The following C5 variants were observed in gnomAD, a reference collection of about 807,000 sequenced individuals.
C5 encodes complement C5, also known as C3 and PZP-like alpha-2-macroglobulin domain-containing protein 4.
Under a neutral mutation model 218.8 loss-of-function variants are expected in C5, and 140 were observed. That is an observed-to-expected ratio of 0.64 (90% CI 0.56 to 0.74). The LOEUF (loss-of-function observed/expected upper bound fraction) is 0.74, where lower values mean the gene tolerates loss of function less well. C5 is among the 30% of genes least tolerant of loss of function. C5 has a pLI of 0.00. For synonymous variants in C5, 614 were observed against 682.3 expected (o/e 0.90, Z 1.56); for missense variants, 1,700 against 1,969.6 (o/e 0.86, Z 2.59).
At chr9:121,050,708 A>G (rs956974710), upstream of C5, among the ~76,000 whole-genome samples, 2 of 152,168 alleles carry the variant, frequency 1.3e-5, no homozygotes, top group South Asian at 2.1e-4. Context: ...AGGGCTCACA[A>G]GATGATCTTT....
At chr9:120,981,989 C>A (rs761959611) in intron 26 of C5, 50 bp from the exon 27 acceptor site, 7 of 1,193,902 alleles carry the variant, frequency 5.9e-6, no homozygotes, top group East Asian at 2.4e-5. Flanking sequence ...GTCTTTAAGG[C>A]GAAATGACCT....
the C5 span, among the ~76,000 whole-genome samples, chr9:121,071,005 T>C: frequency 4.4e-4 from 67 of 152,272 alleles, no homozygotes; most frequent in East Asian, 0.013. Flanking sequence ...AGTTACTACA[T>C]GTCATTTAAA....
the C5 span, among the ~76,000 whole-genome samples, chr9:121,064,312 G>C: frequency 6.6e-6 from 1 of 152,062 alleles, no homozygotes; most frequent in African/African-American, 2.4e-5. Context: ...CAGGGTCGTT[G>C]TAAGTTTTAA....
At chr9:121,028,589 C>G (rs554031203) in intron 7 of C5, among the ~76,000 whole-genome samples, 36 of 152,056 alleles carry the variant, frequency 2.4e-4, no homozygotes, top group Non-Finnish European at 2.9e-4. Context: ...TGAACTACCA[C>G]AAGGACAGAA....
At chr9:121,045,208 T>C (rs1411375574) in intron 2 of C5, among the ~76,000 whole-genome samples, 1 of 152,152 alleles carries the variant, frequency 6.6e-6, no homozygotes, top group East Asian at 1.9e-4. Context: ...ATTAAAGAAT[T>C]CCTATGTTTG....
chr9:120,956,928 T>C, intron 39 of C5: 1 of 330,422 alleles, frequency 3.0e-6, no homozygotes, highest in Non-Finnish European at 5.9e-6. Context: ...ACTATGCTTA[T>C]TACCTGGGTG....
In C5 at chr9:121,027,084, T is replaced by C. The variant is rs1433391920; in HGVS notation, c.873+76A>G. On this transcript the variant is annotated intron_variant, in intron 8 of 40. Coordinates refer to ENST00000223642, the MANE Select transcript of C5 (RefSeq NM_001735.3). The stretch of plus-strand genomic sequence containing the variant: ...ATCTAAAATGGGGGATTGGACTAGA[T>C]GGTTTTTAAGTAACTTCTCATCTCT... 5.0e-6 allele frequency: 4 copies of C among 803,278 alleles called. No individual in the cohort carries two copies. The African/African-American group carries it at 5.1e-5, about 10-fold the overall frequency. The allele number at this position is 803,278 out of a possible 1,614,324, so 49.8% of individuals were successfully genotyped here. A position where few individuals can be genotyped will look rare whatever the true frequency, so the allele number is the denominator to read the frequency against.
intron 20 of C5, among the ~76,000 whole-genome samples, chr9:120,998,668 T>C (rs929187836): frequency 9.9e-5 from 15 of 152,204 alleles, no homozygotes; most frequent in African/African-American, 3.6e-4. Context: ...ATTCCTCTTA[T>C]TAACTGGTGA....
intron 20 of C5, among the ~76,000 whole-genome samples, chr9:121,002,124 G>A (rs12003720): frequency 6.9e-6 from 1 of 144,692 alleles, no homozygotes. Context: ...GGCAGTGTGT[G>A]TATATATATA....
chr9:120,974,653 A>C lies in C5; in HGVS notation c.4017+126T>G. 5.5e-6 allele frequency: 5 copies of C among 915,062 alleles called. No individual in the cohort carries two copies. In the East Asian group the frequency reaches 1.2e-4, roughly 23 times the overall value. 56.7% of individuals were successfully genotyped at this position (915,062 alleles called of 1,614,324 possible). ...CAGGATATAGCAGGCATCCCTGTTT[A>C]GGACATAGCTGACACTCAATATATG... On this transcript the variant is annotated intron_variant, in intron 30 of 40. Transcript: ENST00000223642.
chr9:120,953,146 G>C (rs1010688025), intron 40 of C5, among the ~76,000 whole-genome samples: 1 of 152,082 alleles, frequency 6.6e-6, no homozygotes, highest in Non-Finnish European at 1.5e-5. Context: ...CGATGGTCTC[G>C]ATCTCCTGAC....
intron 20 of C5, 68 bp from the exon 21 acceptor site, chr9:120,997,842 G>T: frequency 4.4e-6 from 6 of 1,360,890 alleles, no homozygotes; most frequent in Non-Finnish European, 6.2e-6. Flanking sequence ...TTGCTATGTC[G>T]CCCAGGCTGG....
At chr9:120,999,022 A>G (rs549190177) in intron 20 of C5, among the ~76,000 whole-genome samples, 14 of 152,316 alleles carry the variant, frequency 9.2e-5, no homozygotes, top group Middle Eastern at 3.4e-3. Context: ...CCTGCGGCCA[A>G]TGATTTCCTT....
At chr9:121,035,241 T>C (rs756341449) in intron 4 of C5, among the ~76,000 whole-genome samples, 22 of 152,180 alleles carry the variant, frequency 1.4e-4, no homozygotes, top group Admixed American at 1.1e-3. Context: ...ATAAACTAAA[T>C]GTGAATTTTG....
Position 121,017,427 on chromosome 9 carries a change from C to T in C5, c.1801G>A (p.Ala601Thr), listed in dbSNP as rs747025820. 35 of 1,613,840 alleles carry T rather than the reference C, an allele frequency of 2.2e-5. No individual in the cohort carries two copies. In the Middle Eastern group the frequency reaches 6.6e-4, roughly 30 times the overall value. Residue 601 changes from alanine (A) to threonine (T), a missense_variant, in exon 14 of 41, where the codon GCA becomes ACA. By Grantham distance (58) the Ala-to-Thr change is moderately conservative (BLOSUM62 0). Transcript: ENST00000223642. ...ACAGCACTGTCCACTGCTGCTAATG[C>T]CACCCAGGAATCCATTCCAGTTGCC... ...NMATGMDSWV[A>T]LAAVDSAVYG...
upstream of C5, chr9:121,050,283 T>C (rs1353616683): frequency 6.8e-6 from 10 of 1,475,972 alleles, no homozygotes; most frequent in Non-Finnish European, 9.5e-6. Context: ...TATAACACTT[T>C]TGAGGATAGT....
intron 4 of C5, among the ~76,000 whole-genome samples, chr9:121,035,432 C>T (rs955147938): frequency 6.6e-6 from 1 of 152,138 alleles, no homozygotes; most frequent in Non-Finnish European, 1.5e-5. Context: ...TAAAGCTTCC[C>T]CATAAACTTA....
rs189699108 is a variant in C5, at chr9:120,954,608, A to G, written c.4763-740T>C. On this transcript the variant is annotated intron_variant, in intron 39 of 40. Transcript: ENST00000223642. ...TTTCTGTCACAATTTTTTGTCCCAC[A>G]TCTGTCCTTCTAGCTAGACTAGAAA... Among the ~76,000 whole-genome samples the G allele has an allele frequency of 1.4e-4, 21 of 152,300 alleles. No homozygotes were observed. In the East Asian group the frequency reaches 3.9e-3, roughly 28 times the overall value.
chr9:120,964,059 C>A (rs973556292), intron 33 of C5, among the ~76,000 whole-genome samples: 2 of 152,212 alleles, frequency 1.3e-5, no homozygotes, highest in African/African-American at 4.8e-5. Flanking sequence ...TCATGCAGAG[C>A]TACAGAAGAA....
Sources: gnomAD v4.1 joint callset for allele counts (sites outside exome capture counted in the v4.1 genomes callset) on GRCh38, gnomAD v4.1.1 for gene constraint, MANE v1.5 for transcripts, NCBI Gene and HGNC (gene_info 2026-07-23, HGNC 2026-07-21) for gene names.